The following GPX7 variants were observed in gnomAD, a reference collection of about 807,000 sequenced individuals.
The protein encoded by GPX7 is glutathione peroxidase 7, also known as protein peroxidase GPX7.
A neutral mutation model predicts 23.7 loss-of-function variants in GPX7; 21 were observed. The ratio of observed to expected loss-of-function variants is 0.89; its 90% CI spans 0.63 to 1.28. GPX7 has a LOEUF of 1.28. Among genes scored for constraint, GPX7 ranks in the 50% most tolerant of loss-of-function variants. GPX7 has a pLI of 0.00. For missense variants in GPX7, 238 were observed against 237.3 expected, an observed-to-expected ratio of 1.00 and a Z score of -0.02; for synonymous variants, 112 against 101.8, an observed-to-expected ratio of 1.10 and a Z score of -0.61.
At chr1:52,603,561 G>T (rs905008071) in intron 1 of GPX7, among the ~76,000 whole-genome samples, 1 of 152,188 alleles carries the variant, frequency 6.6e-6, no homozygotes, top group South Asian at 2.1e-4. Flanking sequence ...GGGGACTGGT[G>T]TGAAATGGCT....
At chr1:52,605,737 G>T (rs2149860105) in intron 1 of GPX7, among the ~76,000 whole-genome samples, 1 of 152,342 alleles carries the variant, frequency 6.6e-6, no homozygotes, top group African/African-American at 2.4e-5. Flanking sequence ...GAGAGGCTTA[G>T]CTGGTAGGAT....
At position 52,602,459 on chromosome 1, in the gene GPX7, C is replaced by A. The variant is rs1255709584; in HGVS notation, c.50C>A (p.Ala17Asp). The change falls in exon 1 of 3, where the codon GCC becomes GAC. Residue 17 changes from alanine to aspartate, a missense_variant. Physicochemically the swap from Ala to Asp is moderately radical, Grantham distance 126. Coordinates refer to ENST00000361314, the MANE Select transcript of GPX7 (RefSeq NM_015696.5). ...GCGTGGCTGCTCCTGTGGGCTGCGG[C>A]CTGCGCGCAGCAGGAGCAGGACTTC... ...AAAWLLLWAA[A>D]CAQQEQDFYD... is the part of the protein sequence containing the mutation. The A allele has an allele frequency of 6.5e-6, 10 of 1,539,362 alleles. No homozygotes were observed. The highest frequency in any genetic ancestry group is 8.7e-6 in the Non-Finnish European group (10 of 1,147,606).
chr1:52,603,044 A>G (rs143692545), intron 1 of GPX7, among the ~76,000 whole-genome samples: 8 of 152,326 alleles, frequency 5.3e-5, no homozygotes, highest in Non-Finnish European at 7.4e-5. Flanking sequence ...AGATGCACGG[A>G]GACCTCACAC....
In GPX7 at chr1:52,608,368, A is replaced by C; in HGVS notation, c.507A>C (p.Arg169Ser). 2.5e-6 allele frequency: 4 copies of C among 1,613,944 alleles called. No homozygotes were observed. The highest frequency in any genetic ancestry group is 3.4e-6 in the Non-Finnish European group (4 of 1,179,942). ...WDPTVSVEEV[R>S]PQITALVRKL... ...CAACTGTGTCAGTGGAGGAGGTCAG[A>C]CCCCAGATCACAGCGCTCGTGAGGA... is the stretch of plus-strand genomic sequence containing the variant. The change falls in exon 3 of 3, where the codon AGA (arginine) becomes AGC (serine). Residue 169 changes from arginine to serine, a missense_variant. Physicochemically the swap from Arg to Ser is moderately radical, Grantham distance 110. Transcript: ENST00000361314.
At chr1:52,605,973 A>G (rs1386149086) in intron 1 of GPX7, among the ~76,000 whole-genome samples, 1 of 152,190 alleles carries the variant, frequency 6.6e-6, no homozygotes, top group East Asian at 1.9e-4. Flanking sequence ...AGCAACAACA[A>G]CAAAAGTGGT....
At chr1:52,606,575 GTA>G in intron 1 of GPX7, 107 bp from the exon 2 acceptor site, 1 of 1,210,498 alleles carries the variant, frequency 8.3e-7, no homozygotes, top group South Asian at 1.4e-5. Flanking sequence ...GTGTGAGGCA[GTA>G]TTAACTGTTG....
chr1:52,605,855 A>G (rs1442298379), intron 1 of GPX7, among the ~76,000 whole-genome samples: 1 of 152,184 alleles, frequency 6.6e-6, no homozygotes, highest in African/African-American at 2.4e-5. Context: ...ACGTGCCTGT[A>G]GTCCTAGCTA....
chr1:52,607,301 C>G (rs1333171151), intron 2 of GPX7: 1 of 250,978 alleles, frequency 4.0e-6, no homozygotes, highest in Non-Finnish European at 7.7e-6. Flanking sequence ...ATGGAGAAAC[C>G]AAGGCATAGA....
chr1:52,603,796 T>G (rs373061533), intron 1 of GPX7, among the ~76,000 whole-genome samples: 2 of 152,150 alleles, frequency 1.3e-5, no homozygotes, highest in African/African-American at 4.8e-5. Flanking sequence ...AAGGCGTGGA[T>G]GCACTTAGTA....
Position 52,608,427 on chromosome 1 carries a change from C to G in GPX7, c.*2C>G. The G allele has an allele frequency of 6.2e-7, 1 of 1,601,498 alleles. No homozygotes were observed. Among genetic ancestry groups the G allele is most frequent in the South Asian group, 1.1e-5 (1 of 89,110 alleles). ...CTACTGAAGCGAGAAGACTTATAAC[C>G]ACCGCGTCTCCTCCTCCACCACCTC... On this transcript the variant is annotated 3_prime_UTR_variant, in exon 3 of 3. Transcript: ENST00000361314.
At chr1:52,604,077 A>C (rs957167182) in intron 1 of GPX7, among the ~76,000 whole-genome samples, 1 of 152,236 alleles carries the variant, frequency 6.6e-6, no homozygotes, top group Non-Finnish European at 1.5e-5. Context: ...TTTCCACTAA[A>C]TGGAGCTTAC....
In GPX7 at chr1:52,606,960, C is replaced by T; in HGVS notation, c.400+15C>T. 6.2e-7 allele frequency: 1 copy of T among 1,611,938 alleles called. No individual in the cohort carries two copies. Among genetic ancestry groups the T allele is most frequent in the Non-Finnish European group, 8.5e-7 (1 of 1,178,278 alleles). On this transcript the variant is annotated intron_variant, in intron 2 of 2. Coordinates refer to ENST00000361314, the MANE Select transcript of GPX7 (RefSeq NM_015696.5). ...GTACCTGGCCCGTAAGTCCTGGTCT[C>T]TTCATCCCCTCACACCTCCCTTAGC...
chr1:52,608,329 A>G lies in GPX7; in HGVS notation c.468A>G (p.Val156=). ...TAGTAGCCCCAGATGGAAAGGTGGT[A>G]GGGGCTTGGGACCCAACTGTGTCAG... ...KYLVAPDGKV[V]GAWDPTVSVE... Residue 156 remains valine (V), a synonymous_variant, in exon 3 of 3, where the codon GTA becomes GTG. Coordinates refer to ENST00000361314, the MANE Select transcript of GPX7 (RefSeq NM_015696.5). 1 of 1,613,990 alleles carries G rather than the reference A, an allele frequency of 6.2e-7. No homozygotes were observed. Among genetic ancestry groups the G allele is most frequent in the African/African-American group, 1.3e-5 (1 of 75,030 alleles).
At chr1:52,603,601 C>T (rs1415184199) in intron 1 of GPX7, among the ~76,000 whole-genome samples, 1 of 152,030 alleles carries the variant, frequency 6.6e-6, no homozygotes, top group Non-Finnish European at 1.5e-5. Context: ...AACAGGTGGG[C>T]CAGCGTCCAG....
chr1:52,606,218 A>C (rs1690850451), intron 1 of GPX7, among the ~76,000 whole-genome samples: 1 of 152,174 alleles, frequency 6.6e-6, no homozygotes, highest in Non-Finnish European at 1.5e-5. Context: ...GACACAGTGC[A>C]GAGTGGCGAG....
At position 52,608,468 on chromosome 1, in the gene GPX7, G is replaced by C. The variant is rs753401032; in HGVS notation, c.*43G>C. 4 of 1,544,696 alleles carry C rather than the reference G, an allele frequency of 2.6e-6. No individual in the cohort carries two copies. In the South Asian group the frequency reaches 5.0e-5, roughly 19 times the overall value. On this transcript the variant is annotated 3_prime_UTR_variant, in exon 3 of 3. Coordinates refer to ENST00000361314, the MANE Select transcript of GPX7 (RefSeq NM_015696.5). ...CCACCACCTCATCCCGCCCACCTGTGTGGGGCTGACCAATGCAAACTCAAA... is the reference window on the plus strand; with the variant it reads ...CCACCACCTCATCCCGCCCACCTGTCTGGGGCTGACCAATGCAAACTCAAA...
chr1:52,608,355 T>G lies in GPX7; in HGVS notation c.494T>G (p.Val165Gly). Reference protein sequence around the residue: ...VVGAWDPTVSVEEVRPQITAL... With the variant: ...VVGAWDPTVSGEEVRPQITAL... ...GGGGCTTGGGACCCAACTGTGTCAG[T>G]GGAGGAGGTCAGACCCCAGATCACA... The change falls in exon 3 of 3, where the codon GTG becomes GGG. Residue 165 changes from valine to glycine, a missense_variant. Transcript: ENST00000361314. The G allele has an allele frequency of 6.2e-7, 1 of 1,614,096 alleles. No homozygotes were observed.
At chr1:52,607,306 C>T in intron 2 of GPX7, 1 of 240,270 alleles carries the variant, frequency 4.2e-6, no homozygotes, top group Non-Finnish European at 8.1e-6. Flanking sequence ...GAAACCAAGG[C>T]ATAGACAGGG....
At chr1:52,606,349 A>G (rs750497844) in intron 1 of GPX7, among the ~76,000 whole-genome samples, 2 of 152,090 alleles carry the variant, frequency 1.3e-5, no homozygotes, top group Non-Finnish European at 2.9e-5. Context: ...GTGTGTGGGC[A>G]TGTGTGGTGT....
Sources: allele counts gnomAD v4.1 joint callset (sites outside exome capture counted in the v4.1 genomes callset), GRCh38; gene constraint gnomAD v4.1.1; transcripts MANE v1.5; gene names NCBI Gene and HGNC (gene_info 2026-07-23, HGNC 2026-07-21).